Variants in DPPA2 observed in about 807,000 individuals in gnomAD.
DPPA2 encodes developmental pluripotency-associated protein 2.
A neutral mutation model predicts 36.2 loss-of-function variants in DPPA2; 26 were observed. That is an observed-to-expected ratio of 0.72 (90% confidence interval 0.53 to 1.00). The LOEUF is 1.00. Ranked by LOEUF, DPPA2 falls within the 50% of genes least tolerant of loss-of-function variation. DPPA2 has a pLI of 0.00. For synonymous variants in DPPA2, 113 were observed against 123.2 expected, an observed-to-expected ratio of 0.92 and a Z score of 0.55; for missense variants, 361 against 365.1, an observed-to-expected ratio of 0.99 and a Z score of 0.09.
At chr3:109,308,609 G>A (rs1346903445) in intron 5 of DPPA2, among the ~76,000 whole-genome samples, 4 of 152,102 alleles carry the variant, frequency 2.6e-5, no homozygotes, top group South Asian at 2.1e-4. Flanking sequence ...TAATCCACCC[G>A]CCTCGGCCTC....
At chr3:109,295,186 G>A (rs1432804668) in intron 8 of DPPA2, 1 of 151,810 alleles carries the variant, frequency 6.6e-6, no homozygotes, top group African/African-American at 2.4e-5. Context: ...AATTAAGATT[G>A]TTTCTATTTG....
Position 109,309,045 on chromosome 3 carries a change from G to C in DPPA2, c.377C>G (p.Ala126Gly). ...IEVYLRLHRH[A>G]YPEQRQDMPE... ...ACTCACTTGCCGTTGTTCAGGGTAA[G>C]CATGCCTATGAAGCCTCAGATAAAC... Residue 126 changes from alanine to glycine, a missense_variant, in exon 5 of 9, where the codon GCT becomes GGT. Coordinates refer to ENST00000478945, the MANE Select transcript of DPPA2 (RefSeq NM_138815.4). 1 of 1,614,196 alleles carries C rather than the reference G, an allele frequency of 6.2e-7. No individual in the cohort carries two copies. The highest frequency in any genetic ancestry group is 8.5e-7 in the Non-Finnish European group (1 of 1,180,042).
chr3:109,311,376 C>T (rs1707707258), intron 3 of DPPA2, among the ~76,000 whole-genome samples: 1 of 152,190 alleles, frequency 6.6e-6, no homozygotes, highest in Non-Finnish European at 1.5e-5. Context: ...CTCTGCTTAG[C>T]TCTAACCCAT....
At chr3:109,303,613 C>A (rs1013272774) in intron 7 of DPPA2, among the ~76,000 whole-genome samples, 6 of 151,932 alleles carry the variant, frequency 3.9e-5, no homozygotes, top group African/African-American at 1.4e-4. Flanking sequence ...AGGTGATCCG[C>A]CCGCCTCGGC....
At chr3:109,314,923 G>A (rs1707764607) in intron 1 of DPPA2, among the ~76,000 whole-genome samples, 1 of 152,132 alleles carries the variant, frequency 6.6e-6, no homozygotes. Flanking sequence ...AAAATTAGGC[G>A]GGCGTTGTGG....
intron 7 of DPPA2, among the ~76,000 whole-genome samples, chr3:109,304,165 C>T (rs889985072): frequency 4.0e-5 from 6 of 151,690 alleles, no homozygotes; most frequent in South Asian, 2.1e-4. Context: ...AGCTGAGACT[C>T]GGGAGGCTGA....
intron 8 of DPPA2, among the ~76,000 whole-genome samples, chr3:109,295,909 GA>G (rs928621808): frequency 3.3e-5 from 5 of 152,100 alleles, no homozygotes; most frequent in Non-Finnish European, 5.9e-5. Context: ...TAACAGAAAT[GA>G]AAACTGCCTT....
chr3:109,310,228 CA>C (rs1183674663), intron 3 of DPPA2, among the ~76,000 whole-genome samples: 287 of 46,932 alleles, frequency 6.1e-3, no homozygotes, highest in African/African-American at 0.015. Flanking sequence ...AACTCCGTCT[CA>C]AAAAAAAAAA....
chr3:109,307,221 G>A (rs1053190888), intron 6 of DPPA2, among the ~76,000 whole-genome samples: 12 of 151,644 alleles, frequency 7.9e-5, no homozygotes, highest in East Asian at 3.9e-4. Flanking sequence ...CTCCCACCTC[G>A]GCCTCCCAAA....
At chr3:109,304,431 C>T in intron 7 of DPPA2, 44 bp downstream of exon 7, 1 of 1,535,526 alleles carries the variant, frequency 6.5e-7, no homozygotes, top group Non-Finnish European at 8.8e-7. Flanking sequence ...ATCTATACAC[C>T]TACTTTTCTG....
chr3:109,312,814 C>T, intron 2 of DPPA2, 122 bp from the exon 3 acceptor site: 2 of 1,203,098 alleles, frequency 1.7e-6, no homozygotes, highest in Non-Finnish European at 2.3e-6. Context: ...AAAAGAATTA[C>T]TGGGATTCCT....
At chr3:109,297,832 C>A (rs1466081470) in intron 8 of DPPA2, among the ~76,000 whole-genome samples, 1 of 152,198 alleles carries the variant, frequency 6.6e-6, no homozygotes, top group Non-Finnish European at 1.5e-5. Flanking sequence ...ATAGGCCAGG[C>A]ACACTGGCTT....
chr3:109,309,235 T>C lies in DPPA2; in HGVS notation c.277A>G (p.Asn93Asp), dbSNP rs764115144. The change falls in exon 4 of 9, where the codon AAT becomes GAT. Residue 93 changes from asparagine (N) to aspartate (D), a missense_variant. Coordinates refer to ENST00000478945, the MANE Select transcript of DPPA2 (RefSeq NM_138815.4). Reference protein sequence around the residue: ...LPLPTILPPINKVCRDTLRDW... With the variant: ...LPLPTILPPIDKVCRDTLRDW... Reference sequence around the variant, plus strand: ...CGCAAAGTGTCCCGACACACCTTATTAATGGGAGGCAAAATGGTCGGCAAG... The same window carrying C: ...CGCAAAGTGTCCCGACACACCTTATCAATGGGAGGCAAAATGGTCGGCAAG... The C allele has an allele frequency of 1.9e-6, 3 of 1,614,036 alleles. No individual in the cohort carries two copies. The highest frequency in any genetic ancestry group is 3.3e-5 in the Admixed American group (2 of 59,978).
chr3:109,296,256 C>T (rs559077048), intron 8 of DPPA2, among the ~76,000 whole-genome samples: 1 of 152,026 alleles, frequency 6.6e-6, no homozygotes, highest in South Asian at 2.1e-4. Context: ...AAAACAAAGA[C>T]AAATAGAAAA....
At chr3:109,306,005 TG>T in intron 6 of DPPA2, among the ~76,000 whole-genome samples, 1 of 152,144 alleles carries the variant, frequency 6.6e-6, no homozygotes, top group Non-Finnish European at 1.5e-5. Context: ...ACGGGATATT[TG>T]CAAGAAAATA....
chr3:109,315,302 A>T (rs2107323489), intron 1 of DPPA2, among the ~76,000 whole-genome samples: 1 of 152,298 alleles, frequency 6.6e-6, no homozygotes, highest in Admixed American at 6.5e-5. Context: ...AAGATTCCAG[A>T]TTTAAATTGT....
chr3:109,312,774 A>T, intron 2 of DPPA2, 82 bp from the exon 3 acceptor site: 1 of 1,526,868 alleles, frequency 6.5e-7, no homozygotes. Context: ...GTCATGAATA[A>T]GGAACTGAGA....
rs1260909457 is a variant in DPPA2 at position 109,312,685 on chromosome 3, A to G, written c.41T>C (p.Leu14Ser). ...TTCCTCATCATCTACTTCCCCCTCC[A>G]AGAAATTCTGGAAAGAGAAGTCAGT... ...ANLDSSKKNF[L>S]EGEVDDEESV... The change falls in exon 3 of 9, where the codon TTG becomes TCG. Residue 14 changes from leucine (L) to serine (S), a missense_variant. Coordinates refer to ENST00000478945, the MANE Select transcript of DPPA2 (RefSeq NM_138815.4). The G allele has an allele frequency of 6.2e-7, 1 of 1,613,040 alleles. No individual in the cohort carries two copies. The highest frequency in any genetic ancestry group is 1.7e-5 in the Admixed American group (1 of 59,944).
chr3:109,308,901 T>A, intron 5 of DPPA2, 125 bp downstream of exon 5: 2 of 1,176,208 alleles, frequency 1.7e-6, no homozygotes, highest in South Asian at 2.7e-5. Context: ...TTCCGAAATA[T>A]CAATAATGCC....
Sources: gnomAD v4.1 joint callset for allele counts (sites outside exome capture counted in the v4.1 genomes callset) on GRCh38, gnomAD v4.1.1 for gene constraint, MANE v1.5 for transcripts, NCBI Gene and HGNC (gene_info 2026-07-23, HGNC 2026-07-21) for gene names.